Variants in SATL1 observed in about 807,000 individuals in gnomAD.
The protein encoded by SATL1 is spermidine/spermine N1-acetyl transferase like 1, also known as spermidine/spermine N(1)-acetyltransferase-like protein 1.
SATL1 carries 47 observed loss-of-function variants against 51.8 expected under a neutral mutation model. The ratio of observed to expected loss-of-function variants is 0.91; its 90% CI spans 0.72 to 1.16. The LOEUF is 1.16. Among genes scored for constraint, SATL1 ranks in the 50% most tolerant of loss-of-function variants. The pLI is 0.00. For synonymous variants in SATL1, 176 were observed against 182.4 expected (o/e 0.97, Z 0.28); for missense variants, 520 against 526.4 (o/e 0.99, Z 0.12).
intron 2 of SATL1, among the ~76,000 whole-genome samples, chrX:85,122,142 AC>A (rs1210951515): frequency 1.8e-5 from 2 of 110,024 alleles, no homozygotes; most frequent in Non-Finnish European, 3.8e-5. Flanking sequence ...GCTCTTATTT[AC>A]CTCCCAACCC....
At chrX:85,098,148 T>C (rs1460034274) in intron 4 of SATL1, among the ~76,000 whole-genome samples, 1 of 111,936 alleles carries the variant, frequency 8.9e-6, no homozygotes, top group Non-Finnish European at 1.9e-5. Flanking sequence ...AGGTATTTCA[T>C]GCAAATAGTA....
intron 7 of SATL1, 31 bp from the exon 8 acceptor site, chrX:85,092,592 T>G: frequency 8.6e-7 from 1 of 1,165,739 alleles, no homozygotes; most frequent in African/African-American, 1.8e-5. Flanking sequence ...AAATATTACT[T>G]TCATTTGAAA....
intron 2 of SATL1, among the ~76,000 whole-genome samples, chrX:85,172,140 T>C (rs757956824): frequency 3.4e-4 from 38 of 111,503 alleles, no homozygotes; most frequent in African/African-American, 1.1e-3. Context: ...TCTTTCCTTC[T>C]CCTTCAAACC....
intron 2 of SATL1, among the ~76,000 whole-genome samples, chrX:85,125,838 A>G (rs1485901143): frequency 9.1e-6 from 1 of 110,338 alleles, no homozygotes; most frequent in African/African-American, 3.3e-5. Flanking sequence ...AAATTTCCAC[A>G]TTTAATTCTT....
At chrX:85,112,342 AC>A (rs1925278570) in intron 2 of SATL1, among the ~76,000 whole-genome samples, 3 of 108,921 alleles carry the variant, frequency 2.8e-5, no homozygotes, top group African/African-American at 1.0e-4. Context: ...ACAGAATCAG[AC>A]TCTGTCTCAA....
rs138349121 is a variant in SATL1, at chrX:85,093,573, G to A, written c.1877-348C>T. 2.9e-3 allele frequency among the ~76,000 whole-genome samples: 328 copies of A among 112,406 alleles called. 1 individual carries two copies. The highest frequency in any genetic ancestry group is 0.016 in the East Asian group (58 of 3,595). On this transcript the variant is annotated intron_variant, in intron 6 of 7. Transcript: ENST00000644105. ...ATAGCTGTGTGGCCTATACTCACAC[G>A]ATGGCTCACACATGTGATGGCACGA...
intron 2 of SATL1, among the ~76,000 whole-genome samples, chrX:85,138,767 G>T (rs575602876): frequency 4.5e-5 from 5 of 111,314 alleles, no homozygotes; most frequent in Middle Eastern, 4.6e-3. Context: ...GTAGAGAAAA[G>T]AAAAATAGCT....
At chrX:85,109,933 C>T (rs1439231082) in intron 2 of SATL1, among the ~76,000 whole-genome samples, 1 of 111,541 alleles carries the variant, frequency 9.0e-6, no homozygotes, top group East Asian at 2.8e-4. Context: ...TCGCTTGAAC[C>T]CAGGAGGTGG....
chrX:85,124,447 G>A (rs1925574177), intron 2 of SATL1, among the ~76,000 whole-genome samples: 1 of 111,864 alleles, frequency 8.9e-6, no homozygotes, highest in Non-Finnish European at 1.9e-5. Flanking sequence ...CTTCCTCACA[G>A]AACTATTGTG....
At chrX:85,160,243 T>C (rs1397966723) in intron 2 of SATL1, among the ~76,000 whole-genome samples, 1 of 111,157 alleles carries the variant, frequency 9.0e-6, no homozygotes, top group Admixed American at 9.6e-5. Flanking sequence ...AAAGAATCAG[T>C]GCAAGGTCTC....
intron 2 of SATL1, among the ~76,000 whole-genome samples, chrX:85,166,184 A>G (rs1926829928): frequency 8.9e-6 from 1 of 111,815 alleles, no homozygotes; most frequent in Non-Finnish European, 1.9e-5. Flanking sequence ...CTAGAAGATA[A>G]CACCAAAAAA....
rs1476015225 is a variant in SATL1 at position 85,100,121 on chromosome X, G to A, written c.1693+3743C>T. Reference sequence around the variant, plus strand: ...CTCGGGAGGCAGAGGCAGGAGAATTGCTTTAACCTGGGACATGGAGGTTGC... The same window carrying A: ...CTCGGGAGGCAGAGGCAGGAGAATTACTTTAACCTGGGACATGGAGGTTGC... On this transcript the variant is annotated intron_variant, in intron 4 of 7. Transcript: ENST00000644105. 2.7e-5 allele frequency among the ~76,000 whole-genome samples: 3 copies of A among 112,206 alleles called. No homozygotes were observed. The East Asian group carries it at 8.4e-4, about 31-fold the overall frequency.
At chrX:85,115,486 T>C (rs1925363388) in intron 2 of SATL1, among the ~76,000 whole-genome samples, 1 of 112,461 alleles carries the variant, frequency 8.9e-6, no homozygotes, top group Non-Finnish European at 1.9e-5. Flanking sequence ...TTGGAGGTCA[T>C]CTGAGCTGGT....
At chrX:85,209,768 A>G (rs1927870844) in intron 2 of SATL1, 1 of 109,898 alleles carries the variant, frequency 9.1e-6, no homozygotes, top group Admixed American at 9.8e-5. Context: ...AATTTTGTTG[A>G]TCTTTTCAAA....
chrX:85,158,122 C>T (rs1926636236), intron 2 of SATL1, among the ~76,000 whole-genome samples: 1 of 109,700 alleles, frequency 9.1e-6, no homozygotes, highest in African/African-American at 3.4e-5. Flanking sequence ...AGAATTAATG[C>T]TTTTTCATGC....
chrX:85,116,651 A>G (rs1263676395), intron 2 of SATL1, among the ~76,000 whole-genome samples: 1 of 111,272 alleles, frequency 9.0e-6, no homozygotes, highest in East Asian at 2.8e-4. Context: ...CTTCTGAGAG[A>G]CAGGAGAGAC....
chrX:85,125,139 T>C (rs769485421), intron 2 of SATL1, among the ~76,000 whole-genome samples: 1 of 110,613 alleles, frequency 9.0e-6, no homozygotes, highest in Non-Finnish European at 1.9e-5. Flanking sequence ...TTGAGAACTA[T>C]AGGCAAGAAA....
At chrX:85,182,294 T>A (rs1446808669) in intron 2 of SATL1, among the ~76,000 whole-genome samples, 1 of 111,228 alleles carries the variant, frequency 9.0e-6, no homozygotes, top group Non-Finnish European at 1.9e-5. Context: ...TCTCTACTTT[T>A]ATGAGGTCAC....
chrX:85,107,710 C>T lies in SATL1; in HGVS notation c.1259G>A (p.Gly420Asp), dbSNP rs1925099720. The part of the protein sequence containing the change: ...GMSQPGTWQT[G>D]LSQPVPRQPN... ...TTGCCTCGGGACTGGTTGGCTCAGG[C>T]CTGTTTGCCATGTGCCTGGTTGGCT... Residue 420 changes from glycine (G) to aspartate (D), a missense_variant, in exon 3 of 8, where the codon GGC (glycine) becomes GAC (aspartate). This residue lies in a region of SATL1 where 488 missense variants were observed against 474.3 expected (regional missense o/e 1.03). Coordinates refer to ENST00000644105, the MANE Select transcript of SATL1 (RefSeq NM_001367857.2). 5 of 1,210,742 alleles carry T rather than the reference C, an allele frequency of 4.1e-6. No individual in the cohort carries two copies. Among genetic ancestry groups the T allele is most frequent in the African/African-American group, 1.7e-5 (1 of 57,384 alleles).
Sources: allele counts gnomAD v4.1 joint callset (sites outside exome capture counted in the v4.1 genomes callset), GRCh38; gene constraint gnomAD v4.1.1; regional missense constraint gnomAD v4.1.1; transcripts MANE v1.5; gene names NCBI Gene and HGNC (gene_info 2026-07-23, HGNC 2026-07-21).